Variants in ASTN1 observed in about 807,000 individuals in gnomAD.
ASTN1 encodes the protein astrotactin 1.
ASTN1 carries 41 observed loss-of-function variants against 140.7 expected under a neutral mutation model. The ratio of observed to expected loss-of-function variants is 0.29; its 90% CI spans 0.23 to 0.38. ASTN1 has a LOEUF of 0.38. Among genes scored for constraint, ASTN1 ranks in the 10% least tolerant of loss-of-function variants. ASTN1 has a pLI of 1.00. For synonymous variants in ASTN1, 640 were observed against 652.2 expected (o/e 0.98, Z 0.29); for missense variants, 1,479 against 1,678.8 (o/e 0.88, Z 2.08).
chr1:177,082,178 C>T (rs892841260), intron 1 of ASTN1, among the ~76,000 whole-genome samples: 2 of 152,112 alleles, frequency 1.3e-5, no homozygotes, highest in African/African-American at 4.8e-5. Flanking sequence ...AAGGCATGCA[C>T]AAGTGATGGT....
At chr1:176,984,715 A>T (rs773897319) in intron 8 of ASTN1, among the ~76,000 whole-genome samples, 1 of 152,098 alleles carries the variant, frequency 6.6e-6, no homozygotes, top group Non-Finnish European at 1.5e-5. Flanking sequence ...TCTAACTTAT[A>T]CTTCTTATTT....
At chr1:177,157,291 CTTTTTG>C (rs1459085286) in intron 1 of ASTN1, among the ~76,000 whole-genome samples, 1 of 151,518 alleles carries the variant, frequency 6.6e-6, no homozygotes, top group East Asian at 1.9e-4. Context: ...TAAAACTGTT[CTTTTTG>C]TTGTTGTTGT....
chr1:176,896,789 T>C (rs1669524704), intron 16 of ASTN1, among the ~76,000 whole-genome samples: 1 of 152,126 alleles, frequency 6.6e-6, no homozygotes, highest in African/African-American at 2.4e-5. Flanking sequence ...TTACAACCAG[T>C]GCCTCCAAAG....
intron 2 of ASTN1, among the ~76,000 whole-genome samples, chr1:177,055,705 C>T (rs1020545061): frequency 2.0e-5 from 3 of 152,166 alleles, no homozygotes; most frequent in Non-Finnish European, 2.9e-5. Context: ...TTTCTGGTAA[C>T]ATACAATATG....
intron 1 of ASTN1, among the ~76,000 whole-genome samples, chr1:177,100,355 T>A (rs1177317141): frequency 6.6e-6 from 1 of 152,056 alleles, no homozygotes; most frequent in Non-Finnish European, 1.5e-5. Context: ...CAACTAAATA[T>A]CATTCATTAA....
intron 2 of ASTN1, among the ~76,000 whole-genome samples, chr1:177,047,197 G>A (rs961710711): frequency 6.6e-6 from 1 of 152,112 alleles, no homozygotes; most frequent in African/African-American, 2.4e-5. Flanking sequence ...GAGAAAAGGG[G>A]GTCAGAAACA....
intron 8 of ASTN1, among the ~76,000 whole-genome samples, chr1:177,006,833 G>A (rs1430002733): frequency 3.3e-5 from 5 of 152,104 alleles, no homozygotes; most frequent in East Asian, 1.9e-4. Flanking sequence ...TCATCACCAC[G>A]GGGAGGAGGT....
intron 16 of ASTN1, among the ~76,000 whole-genome samples, chr1:176,927,179 T>A (rs890856524): frequency 6.6e-6 from 1 of 152,182 alleles, no homozygotes; most frequent in African/African-American, 2.4e-5. Flanking sequence ...AAGTCATTCT[T>A]CTCAGCTTTC....
Position 176,863,920 on chromosome 1 carries a change from C to T in ASTN1, c.*364G>A. On this transcript the variant is annotated 3_prime_UTR_variant, in exon 23 of 23. Coordinates refer to ENST00000361833, the MANE Select transcript of ASTN1 (RefSeq NM_004319.3). ...AATGGATTTAGGAACTGAGTGAGCA[C>T]AGGGTGCCTACTTAATAGACTTTTC... The T allele has an allele frequency of 9.5e-7, 1 of 1,054,660 alleles. No individual in the cohort carries two copies. The highest frequency in any genetic ancestry group is 3.2e-5 in the South Asian group (1 of 31,034). The allele number at this position is 1,054,660 out of a possible 1,614,324, so 65.3% of individuals were successfully genotyped here. A position where few individuals can be genotyped will look rare whatever the true frequency, so the allele number is the denominator to read the frequency against.
intron 15 of ASTN1, among the ~76,000 whole-genome samples, chr1:176,935,862 C>T (rs556093330): frequency 1.3e-5 from 2 of 151,948 alleles, no homozygotes; most frequent in African/African-American, 4.8e-5. Context: ...TTCCGTCCCC[C>T]CTCTTTCTTG....
intron 8 of ASTN1, among the ~76,000 whole-genome samples, chr1:177,013,008 T>C (rs1328613189): frequency 2.6e-5 from 4 of 152,200 alleles, no homozygotes; most frequent in African/African-American, 7.2e-5. Flanking sequence ...TGCAAACATT[T>C]CAGAGGCAAA....
rs1667991112 is a variant in ASTN1, at chr1:176,862,168, A to G, written c.*2116T>C. On this transcript the variant is annotated 3_prime_UTR_variant, in exon 23 of 23. Transcript: ENST00000361833. ...GAGGCACTTTAACTGAGGCTCCAGC[A>G]TTTGCCACAGGTGGGACAGCCAATT... The G allele has an allele frequency of 1.0e-5, 10 of 985,482 alleles. No homozygotes were observed. The highest frequency in any genetic ancestry group is 1.2e-5 in the Non-Finnish European group (10 of 829,960). The allele number at this position is 985,482 out of a possible 1,614,324, so 61.0% of individuals were successfully genotyped here. A position where few individuals can be genotyped will look rare whatever the true frequency, so the allele number is the denominator to read the frequency against.
downstream of ASTN1, among the ~76,000 whole-genome samples, chr1:176,859,053 G>A (rs1667888344): frequency 6.6e-6 from 1 of 152,162 alleles, no homozygotes; most frequent in Admixed American, 6.5e-5. Context: ...CACAGTGCCT[G>A]GCACATAATA....
At chr1:177,082,065 C>A (rs1187641001) in intron 1 of ASTN1, among the ~76,000 whole-genome samples, 1 of 152,116 alleles carries the variant, frequency 6.6e-6, no homozygotes, top group Non-Finnish European at 1.5e-5. Flanking sequence ...TCTGGATATG[C>A]TGAGTTTGAC....
intron 8 of ASTN1, among the ~76,000 whole-genome samples, chr1:176,999,663 C>A (rs1294209233): frequency 6.6e-6 from 1 of 152,086 alleles, no homozygotes; most frequent in African/African-American, 2.4e-5. Context: ...TGTGTCCCCA[C>A]CCAAAATGTC....
chr1:176,929,092 T>C (rs1302189459), intron 16 of ASTN1, among the ~76,000 whole-genome samples: 3 of 152,164 alleles, frequency 2.0e-5, no homozygotes, highest in Admixed American at 2.0e-4. Context: ...AAGATAACCT[T>C]ATGTCATCAG....
chr1:177,074,396 A>T (rs1678789471), intron 1 of ASTN1, among the ~76,000 whole-genome samples: 1 of 152,154 alleles, frequency 6.6e-6, no homozygotes, highest in Non-Finnish European at 1.5e-5. Context: ...CAAAAAATAG[A>T]TCTTAAAGGG....
chr1:177,139,553 C>T (rs1341337988), intron 1 of ASTN1, among the ~76,000 whole-genome samples: 1 of 152,172 alleles, frequency 6.6e-6, no homozygotes, highest in Non-Finnish European at 1.5e-5. Flanking sequence ...TGTTAGAGCA[C>T]AGTCATTGTG....
chr1:176,900,869 C>A (rs1016356619), intron 16 of ASTN1, among the ~76,000 whole-genome samples: 2 of 152,148 alleles, frequency 1.3e-5, no homozygotes, highest in African/African-American at 4.8e-5. Flanking sequence ...ATGGCAGGTG[C>A]CTTGAAGGAC....
Sources: allele counts gnomAD v4.1 joint callset (sites outside exome capture counted in the v4.1 genomes callset), GRCh38; gene constraint gnomAD v4.1.1; transcripts MANE v1.5; gene names NCBI Gene and HGNC (gene_info 2026-07-23, HGNC 2026-07-21).